The following CSMD1 variants were observed in gnomAD, a reference collection of about 807,000 sequenced individuals.
CSMD1 encodes CUB and Sushi multiple domains 1.
In CSMD1, 213 loss-of-function variants were observed where a neutral mutation model predicts 417.5. That is an observed-to-expected ratio of 0.51 (90% CI 0.46 to 0.57). The LOEUF is 0.57. CSMD1 is among the 20% of genes least tolerant of loss of function. The pLI, the probability that CSMD1 is intolerant of heterozygous loss-of-function variation, is 0.00. For synonymous variants in CSMD1, 2,862 were observed against 1,736.8 expected, an observed-to-expected ratio of 1.65 and a Z score of -16.11; for missense variants, 6,923 against 4,529.7, an observed-to-expected ratio of 1.53 and a Z score of -15.17.
chr8:4,632,590 C>G (rs1051587105), intron 2 of CSMD1, among the ~76,000 whole-genome samples: 3 of 152,044 alleles, frequency 2.0e-5, no homozygotes, highest in Admixed American at 6.6e-5. Context: ...ATTTCTTAGC[C>G]TCAGAGGATT....
chr8:4,782,677 A>G (rs909448807), intron 1 of CSMD1, among the ~76,000 whole-genome samples: 2 of 152,118 alleles, frequency 1.3e-5, no homozygotes, highest in African/African-American at 2.4e-5. Context: ...TGTGACTCAT[A>G]CTTCTGCAGA....
intron 25 of CSMD1, among the ~76,000 whole-genome samples, chr8:3,296,596 C>T (rs773856954): frequency 1.3e-5 from 2 of 152,090 alleles, no homozygotes; most frequent in Non-Finnish European, 1.5e-5. Flanking sequence ...ACTCTGTCAA[C>T]GTTTTGAGTA....
intron 3 of CSMD1, among the ~76,000 whole-genome samples, chr8:4,383,524 A>G (rs1163789541): frequency 1.3e-5 from 2 of 152,156 alleles, no homozygotes; most frequent in African/African-American, 2.4e-5. Flanking sequence ...AGCCCTGGCT[A>G]TTGCAGACAG....
chr8:4,958,942 C>A (rs759022170), intron 1 of CSMD1, among the ~76,000 whole-genome samples: 1 of 152,116 alleles, frequency 6.6e-6, no homozygotes, highest in Non-Finnish European at 1.5e-5. Flanking sequence ...GCTGCCTTTG[C>A]TTCCTTAGGT....
chr8:4,837,599 A>G (rs543257583), intron 1 of CSMD1, among the ~76,000 whole-genome samples: 59 of 152,316 alleles, frequency 3.9e-4, no homozygotes, highest in African/African-American at 1.4e-3. Flanking sequence ...AAGGATGGTT[A>G]CCAGAGGCTG....
chr8:4,396,735 G>A (rs1450998426), intron 3 of CSMD1, among the ~76,000 whole-genome samples: 2 of 152,006 alleles, frequency 1.3e-5, no homozygotes, highest in East Asian at 1.9e-4. Context: ...GCAGCAACCT[G>A]GATGGAAATG....
At chr8:4,401,989 T>C (rs952114237) in intron 3 of CSMD1, among the ~76,000 whole-genome samples, 1 of 152,086 alleles carries the variant, frequency 6.6e-6, no homozygotes, top group Non-Finnish European at 1.5e-5. Flanking sequence ...AGCACCGGAC[T>C]CCCTGCCACA....
At chr8:3,598,084 A>G (rs1367873967) in intron 8 of CSMD1, among the ~76,000 whole-genome samples, 1 of 152,166 alleles carries the variant, frequency 6.6e-6, no homozygotes, top group Non-Finnish European at 1.5e-5. Flanking sequence ...TCTCTACCTT[A>G]TATTAATCTT....
chr8:3,914,752 G>C (rs1309799917), intron 5 of CSMD1, among the ~76,000 whole-genome samples: 3 of 151,416 alleles, frequency 2.0e-5, no homozygotes, highest in Non-Finnish European at 4.4e-5. Context: ...ACATGTATCT[G>C]TCTTTGCTCA....
At chr8:3,314,350 A>C (rs1805589429) in intron 23 of CSMD1, among the ~76,000 whole-genome samples, 1 of 152,190 alleles carries the variant, frequency 6.6e-6, no homozygotes, top group Non-Finnish European at 1.5e-5. Flanking sequence ...TGAATTTAAG[A>C]GACTTTTGAC....
intron 3 of CSMD1, among the ~76,000 whole-genome samples, chr8:4,199,716 C>A (rs1042414705): frequency 1.3e-5 from 2 of 152,260 alleles, no homozygotes; most frequent in Non-Finnish European, 2.9e-5. Context: ...AGTGCCATTT[C>A]TCAGGGATCA....
At chr8:4,894,698 C>CTGTGTGTG (rs1199351387) in intron 1 of CSMD1, among the ~76,000 whole-genome samples, 5,261 of 149,970 alleles carry the variant, frequency 0.035, 134 homozygotes, top group South Asian at 0.067. Context: ...ATCTGAAAGA[C>CTGTGTGTG]TGTGTGTGTG....
intron 1 of CSMD1, among the ~76,000 whole-genome samples, chr8:4,693,916 C>T (rs942822016): frequency 8.3e-6 from 1 of 120,586 alleles, no homozygotes; most frequent in African/African-American, 3.3e-5. Context: ...CAGTTATTTT[C>T]AAAGGTCACA....
At chr8:3,902,949 G>A (rs1447211601) in intron 5 of CSMD1, among the ~76,000 whole-genome samples, 2 of 152,018 alleles carry the variant, frequency 1.3e-5, no homozygotes, top group African/African-American at 2.4e-5. Flanking sequence ...CTACCTCCCT[G>A]AACTCAGTAG....
intron 1 of CSMD1, among the ~76,000 whole-genome samples, chr8:4,820,510 C>A (rs1799462645): frequency 6.6e-6 from 1 of 152,098 alleles, no homozygotes; most frequent in Non-Finnish European, 1.5e-5. Context: ...AAATGGCCAA[C>A]CTCCTCTCAG....
At chr8:4,385,664 A>C (rs1803400359) in intron 3 of CSMD1, among the ~76,000 whole-genome samples, 1 of 152,202 alleles carries the variant, frequency 6.6e-6, no homozygotes, top group Non-Finnish European at 1.5e-5. Flanking sequence ...TCCTGTAGGC[A>C]TTATCCAAAG....
At chr8:2,990,086 C>T (rs1292667865) in intron 54 of CSMD1, among the ~76,000 whole-genome samples, 1 of 152,174 alleles carries the variant, frequency 6.6e-6, no homozygotes, top group Non-Finnish European at 1.5e-5. Context: ...GTAACTGGGA[C>T]AACATTTGTG....
At chr8:4,443,189 C>G (rs1311123732) in intron 2 of CSMD1, among the ~76,000 whole-genome samples, 1 of 152,120 alleles carries the variant, frequency 6.6e-6, no homozygotes, top group African/African-American at 2.4e-5. Flanking sequence ...TGATATATTA[C>G]TGAGTATACA....
intron 7 of CSMD1, among the ~76,000 whole-genome samples, chr8:3,671,305 A>G (rs903592238): frequency 4.1e-5 from 6 of 148,064 alleles, no homozygotes; most frequent in Non-Finnish European, 7.5e-5. Flanking sequence ...GGCACCTGAT[A>G]AATGCTAACA....
Sources: allele counts gnomAD v4.1 joint callset (sites outside exome capture counted in the v4.1 genomes callset), GRCh38; gene constraint gnomAD v4.1.1; transcripts MANE v1.5; gene names NCBI Gene and HGNC (gene_info 2026-07-23, HGNC 2026-07-21).